The following SUMF1 variants were observed in gnomAD, a reference collection of about 807,000 sequenced individuals.
SUMF1 encodes the protein sulfatase modifying factor 1, also known as formylglycine-generating enzyme.
Under a neutral mutation model 47.6 loss-of-function variants are expected in SUMF1, and 48 were observed. The ratio of observed to expected loss-of-function variants is 1.01; its 90% CI spans 0.80 to 1.28. The LOEUF (loss-of-function observed/expected upper bound fraction) is 1.28. Among genes scored for constraint, SUMF1 ranks in the 50% most tolerant of loss-of-function variants. The pLI, the probability that SUMF1 is intolerant of heterozygous loss-of-function variation, is 0.00. For missense variants in SUMF1, 571 were observed against 485.4 expected (o/e 1.18, Z -1.66); for synonymous variants, 230 against 192.1 (o/e 1.20, Z -1.63).
intron 8 of SUMF1, among the ~76,000 whole-genome samples, chr3:4,074,102 C>G (rs945296499): frequency 6.6e-6 from 1 of 152,136 alleles, no homozygotes; most frequent in Non-Finnish European, 1.5e-5. Flanking sequence ...AAACACTCCT[C>G]AGCAAATGTA....
intron 8 of SUMF1, among the ~76,000 whole-genome samples, chr3:4,371,341 T>C (rs1450401426): frequency 6.6e-6 from 1 of 152,212 alleles, no homozygotes; most frequent in African/African-American, 2.4e-5. Flanking sequence ...TCCATGTCTG[T>C]GCTAAGAATG....
At chr3:4,219,988 G>A (rs556852120) in intron 8 of SUMF1, among the ~76,000 whole-genome samples, 7 of 152,256 alleles carry the variant, frequency 4.6e-5, no homozygotes, top group Non-Finnish European at 7.4e-5. Context: ...AAAGACTGGC[G>A]TCTAGGAGAA....
intron 8 of SUMF1, among the ~76,000 whole-genome samples, chr3:4,341,673 C>A (rs138906580): frequency 0.013 from 1,964 of 152,162 alleles, 56 homozygotes; most frequent in African/African-American, 0.045. Context: ...TGCTATTGAA[C>A]AAAGATCAAA....
intron 8 of SUMF1, among the ~76,000 whole-genome samples, chr3:4,185,594 G>A (rs1052174394): frequency 7.9e-5 from 12 of 152,044 alleles, no homozygotes; most frequent in African/African-American, 2.2e-4. Context: ...ATACTAATGC[G>A]AACTGTAGCA....
At chr3:4,067,462 C>T (rs1695403844) in intron 9 of SUMF1, among the ~76,000 whole-genome samples, 1 of 152,176 alleles carries the variant, frequency 6.6e-6, no homozygotes, top group Admixed American at 6.5e-5. Flanking sequence ...TGATGTTGCA[C>T]ATGATAATGC....
At position 4,106,894 on chromosome 3, in the gene SUMF1, T is replaced by C. The variant is rs1486343947; in HGVS notation, c.1015-38149A>G. ...GAATCCTCATAATAAAGCTATACCA[T>C]CAGGTAAAATAAACTATATTTTTCC... On this transcript the variant is annotated intron_variant and NMD_transcript_variant, in intron 8 of 12. Coordinates refer to the SUMF1 transcript ENST00000448413. Among the ~76,000 whole-genome samples, 3 of 152,006 alleles carry C rather than the reference T, an allele frequency of 2.0e-5. 1 individual carries two copies. The highest frequency in any genetic ancestry group is 7.3e-5 in the African/African-American group (3 of 41,358).
intron 8 of SUMF1, among the ~76,000 whole-genome samples, chr3:4,122,529 G>A (rs1427585309): frequency 6.6e-6 from 1 of 152,054 alleles, no homozygotes; most frequent in East Asian, 1.9e-4. Context: ...CTAATTTGTT[G>A]ACTTTAAAAT....
Position 4,209,763 on chromosome 3 carries a change from C to A in SUMF1, c.1015-141018G>T, listed in dbSNP as rs962763154. 1.3e-4 allele frequency among the ~76,000 whole-genome samples: 20 copies of A among 151,974 alleles called. 2 individuals carry two copies. Among genetic ancestry groups the A allele is most frequent in the Admixed American group, 1.1e-3 (17 of 15,250 alleles). ...TTTAGAAAGATAAGCATTTAAATTG[C>A]AATAAAAGACATCAAATACTTGGGA... On this transcript the variant is annotated intron_variant and NMD_transcript_variant, in intron 8 of 12. Coordinates refer to the SUMF1 transcript ENST00000448413.
chr3:4,463,775 C>G (rs1194732942), intron 1 of SUMF1, among the ~76,000 whole-genome samples: 1 of 152,178 alleles, frequency 6.6e-6, no homozygotes, highest in Admixed American at 6.5e-5. Flanking sequence ...ATCCTAAATG[C>G]CTTTCAAATA....
intron 8 of SUMF1, among the ~76,000 whole-genome samples, chr3:4,161,962 T>C (rs1694587143): frequency 6.6e-6 from 1 of 152,090 alleles, no homozygotes; most frequent in African/African-American, 2.4e-5. Context: ...GCCCACAGCA[T>C]GTATTACCGG....
At chr3:4,415,380 G>A (rs1227692496) in intron 6 of SUMF1, among the ~76,000 whole-genome samples, 3 of 152,158 alleles carry the variant, frequency 2.0e-5, no homozygotes, top group Non-Finnish European at 2.9e-5. Flanking sequence ...TGGTGAGAAA[G>A]GAACTCTTGT....
At chr3:4,268,575 G>A (rs532034951) in intron 8 of SUMF1, among the ~76,000 whole-genome samples, 1 of 146,448 alleles carries the variant, frequency 6.8e-6, no homozygotes, top group African/African-American at 2.5e-5. Context: ...GTTGGCACAG[G>A]AAACACTACT....
intron 3 of SUMF1, among the ~76,000 whole-genome samples, chr3:4,448,715 C>A (rs1370995612): frequency 1.3e-5 from 2 of 152,172 alleles, no homozygotes; most frequent in South Asian, 2.1e-4. Context: ...GAAAAACACA[C>A]CTCATCTGCA....
At chr3:4,088,653 T>C (rs1027965392) in intron 8 of SUMF1, among the ~76,000 whole-genome samples, 7 of 152,132 alleles carry the variant, frequency 4.6e-5, no homozygotes, top group Admixed American at 3.3e-4. Context: ...AGACAAATAT[T>C]GTTTGTTATG....
intron 8 of SUMF1, among the ~76,000 whole-genome samples, chr3:4,274,448 G>A (rs1326374376): frequency 1.3e-5 from 2 of 152,156 alleles, no homozygotes; most frequent in African/African-American, 2.4e-5. Flanking sequence ...TCTGTGGAGG[G>A]ACATTATTCT....
chr3:4,249,537 T>C (rs1188280832), intron 8 of SUMF1, among the ~76,000 whole-genome samples: 1 of 152,204 alleles, frequency 6.6e-6, no homozygotes, highest in Non-Finnish European at 1.5e-5. Context: ...CACGTCCATA[T>C]AAGATGGCAA....
chr3:4,463,560 C>A (rs1489709904), intron 1 of SUMF1, among the ~76,000 whole-genome samples: 1 of 152,146 alleles, frequency 6.6e-6, no homozygotes, highest in Non-Finnish European at 1.5e-5. Flanking sequence ...TGTCATCAAA[C>A]AACAACAAAA....
intron 8 of SUMF1, among the ~76,000 whole-genome samples, chr3:4,337,274 T>C (rs1699175145): frequency 6.9e-6 from 1 of 144,522 alleles, no homozygotes; most frequent in Non-Finnish European, 1.5e-5. Context: ...TCCCCCTCCT[T>C]TTGTTTCTTC....
chr3:4,264,902 G>C (rs1350401443), intron 8 of SUMF1, among the ~76,000 whole-genome samples: 1 of 152,160 alleles, frequency 6.6e-6, no homozygotes, highest in African/African-American at 2.4e-5. Context: ...GGCAGGCCAA[G>C]GCAGGTGGAT....
Sources: gnomAD v4.1 joint callset for allele counts (sites outside exome capture counted in the v4.1 genomes callset) on GRCh38, gnomAD v4.1.1 for gene constraint, MANE v1.5 for transcripts, NCBI Gene and HGNC (gene_info 2026-07-23, HGNC 2026-07-21) for gene names.